The following SLC27A1 variants were observed in gnomAD, a reference collection of about 807,000 sequenced individuals.
The protein encoded by SLC27A1 is solute carrier family 27 member 1.
In SLC27A1, 61 loss-of-function variants were observed where a neutral mutation model predicts 62.2. The observed-to-expected ratio is 0.98, with a 90% CI of 0.80 to 1.21. The LOEUF (loss-of-function observed/expected upper bound fraction) is 1.21. Among genes scored for constraint, SLC27A1 ranks in the 50% most tolerant of loss-of-function variants. The pLI is 0.00. For missense variants in SLC27A1, 903 were observed against 932.1 expected (o/e 0.97, Z 0.41); for synonymous variants, 435 against 408.6 (o/e 1.06, Z -0.78).
rs2075231171 is a variant in SLC27A1, at chr19:17,486,548, C to T, written c.168-15C>T. On this transcript the variant is annotated splice_polypyrimidine_tract_variant and intron_variant, in intron 1 of 11. Coordinates refer to ENST00000252595, the MANE Select transcript of SLC27A1 (RefSeq NM_198580.3). The surrounding 1 kb of genome is among the most constrained non-coding windows in gnomAD (Gnocchi z 6.6). Reference sequence around the variant, plus strand: ...AGGGCACCAGTGACGCTGTCCCCTCCGTCCTCCCTCCCAGCGGTCTCTCTG... The same window carrying T: ...AGGGCACCAGTGACGCTGTCCCCTCTGTCCTCCCTCCCAGCGGTCTCTCTG... The T allele has an allele frequency of 1.3e-6, 2 of 1,561,504 alleles. No individual in the cohort carries two copies. The highest frequency in any genetic ancestry group is 1.7e-6 in the Non-Finnish European group (2 of 1,160,294).
At chr19:17,470,510 C>T (rs527880623), upstream of SLC27A1, 1 of 1,509,654 alleles carries the variant, frequency 6.6e-7, no homozygotes, top group Admixed American at 2.1e-5. Flanking sequence ...CTGGAGCGGC[C>T]CGCGGCCTCA....
chr19:17,480,361 A>G (rs1056476276), intron 1 of SLC27A1, among the ~76,000 whole-genome samples: 1 of 150,176 alleles, frequency 6.7e-6, no homozygotes, highest in Non-Finnish European at 1.5e-5. Flanking sequence ...ATATATTTCT[A>G]TTGTCATTTC....
intron 1 of SLC27A1, among the ~76,000 whole-genome samples, chr19:17,471,189 A>G (rs1232024209): frequency 1.3e-5 from 2 of 151,988 alleles, no homozygotes; most frequent in Non-Finnish European, 2.9e-5. Context: ...GGGGTTGCCA[A>G]GACACTTTGG....
At chr19:17,478,919 A>C (rs1453733320) in intron 1 of SLC27A1, among the ~76,000 whole-genome samples, 1 of 151,906 alleles carries the variant, frequency 6.6e-6, no homozygotes, top group Non-Finnish European at 1.5e-5. Flanking sequence ...AGATGGGAAC[A>C]TGCATGTTGG....
intron 1 of SLC27A1, among the ~76,000 whole-genome samples, chr19:17,485,209 T>TG (rs1555743987): frequency 1.4e-5 from 2 of 143,662 alleles, no homozygotes. Context: ...TTTTTTTTTT[T>TG]GATGGAGTCT....
At position 17,504,230 on chromosome 19, in the gene SLC27A1, A is replaced by G. The variant is rs554611933; in HGVS notation, c.1784-225A>G. On this transcript the variant is annotated intron_variant, in intron 11 of 11. Transcript: ENST00000252595. The stretch of plus-strand genomic sequence containing the variant: ...GGACACATGACCAGGCAGGGTGTAC[A>G]TTTTCTTGCCCTGGTGAGGAGTGGT... Among the ~76,000 whole-genome samples, 11 of 152,198 alleles carry G rather than the reference A, an allele frequency of 7.2e-5. No homozygotes were observed. The South Asian group carries it at 2.1e-3, about 29-fold the overall frequency.
At chr19:17,480,912 C>CAT (rs34124219) in intron 1 of SLC27A1, among the ~76,000 whole-genome samples, 123,391 of 150,330 alleles carry the variant, frequency 0.82, 51,658 homozygotes, top group Non-Finnish European at 0.91. Flanking sequence ...ATAACGAAAA[C>CAT]GTGGTATTTG....
intron 6 of SLC27A1, among the ~76,000 whole-genome samples, chr19:17,494,428 G>C (rs11086071): frequency 6.6e-6 from 1 of 151,580 alleles, no homozygotes; most frequent in Non-Finnish European, 1.5e-5. Context: ...CCTGGGTTCA[G>C]GTGATTCTCC....
intron 1 of SLC27A1, among the ~76,000 whole-genome samples, chr19:17,474,818 C>T (rs545788264): frequency 5.3e-5 from 8 of 151,540 alleles, no homozygotes; most frequent in East Asian, 1.9e-4. Context: ...TTAGTAGAGA[C>T]GGGGTTTCTC....
At chr19:17,473,187 C>A (rs1649260605) in intron 1 of SLC27A1, among the ~76,000 whole-genome samples, 1 of 152,156 alleles carries the variant, frequency 6.6e-6, no homozygotes, top group Non-Finnish European at 1.5e-5. Flanking sequence ...CCAATTTCAG[C>A]CTCCCAAAGT....
intron 2 of SLC27A1, 71 bp downstream of exon 2, chr19:17,487,028 C>T (rs1221078257): frequency 6.5e-7 from 1 of 1,537,594 alleles, no homozygotes; most frequent in Non-Finnish European, 8.7e-7. Context: ...GGAGATGCTG[C>T]GCCCCAGGCC....
Position 17,500,588 on chromosome 19 carries a change from T to C in SLC27A1, c.1427T>C (p.Ile476Thr). 2 of 1,613,712 alleles carry C rather than the reference T, an allele frequency of 1.2e-6. No homozygotes were observed. The highest frequency in any genetic ancestry group is 1.7e-6 in the Non-Finnish European group (2 of 1,179,950). Residue 476 changes from isoleucine to threonine, a missense_variant, in exon 9 of 12, where the codon ATC becomes ACC. Transcript: ENST00000252595. The part of the protein sequence containing the change: ...YVSESATSKK[I>T]AHSVFSKGDS... Reference sequence around the variant, plus strand: ...AGCGAGAGCGCCACCAGCAAGAAGATCGCCCACAGCGTCTTCAGCAAGGGC... The same window carrying C: ...AGCGAGAGCGCCACCAGCAAGAAGACCGCCCACAGCGTCTTCAGCAAGGGC...
At chr19:17,497,914 A>T (rs2075368166) in intron 7 of SLC27A1, 1 of 191,410 alleles carries the variant, frequency 5.2e-6, no homozygotes, top group African/African-American at 2.4e-5. Flanking sequence ...AGCTCAAGCA[A>T]TCCTCCTGCC....
intron 6 of SLC27A1, chr19:17,496,420 A>C (rs1599667680): frequency 6.6e-6 from 1 of 151,826 alleles, no homozygotes; most frequent in South Asian, 2.1e-4. Context: ...GCAGGGAGGG[A>C]AGATGTCCTG....
At chr19:17,497,578 G>A (rs1462281677) in intron 7 of SLC27A1, 114 bp downstream of exon 7, 6 of 973,876 alleles carry the variant, frequency 6.2e-6, no homozygotes, top group Non-Finnish European at 6.3e-6. Flanking sequence ...GGAAGGCTCC[G>A]CCAAGGCGCA....
At position 17,504,506 on chromosome 19, in the gene SLC27A1, G is replaced by T; in HGVS notation, c.1835G>T (p.Arg612Leu). ...CTGCAGCGAGAGGGCTTTGACCCACGCCAGACCTCAGACCGGCTCTTCTTC... is the reference window on the plus strand; with the variant it reads ...CTGCAGCGAGAGGGCTTTGACCCACTCCAGACCTCAGACCGGCTCTTCTTC... ...TRLQREGFDP[R>L]QTSDRLFFLD... The change falls in exon 12 of 12, where the codon CGC becomes CTC. Residue 612 changes from arginine (R) to leucine (L), a missense_variant. Transcript: ENST00000252595. 1.2e-6 allele frequency: 2 copies of T among 1,614,164 alleles called. No individual in the cohort carries two copies. The highest frequency in any genetic ancestry group is 8.5e-7 in the Non-Finnish European group (1 of 1,180,034).
intron 1 of SLC27A1, among the ~76,000 whole-genome samples, chr19:17,476,883 G>GTTTTTTTTTTT (rs71162144): frequency 7.6e-6 from 1 of 131,822 alleles, no homozygotes. Context: ...ATGATCATCT[G>GTTTTTTTTTTT]TTTTTTTTTT....
At chr19:17,477,569 T>G (rs566992179) in intron 1 of SLC27A1, among the ~76,000 whole-genome samples, 1 of 149,442 alleles carries the variant, frequency 6.7e-6, no homozygotes, top group South Asian at 2.1e-4. Flanking sequence ...TTTCTTTTTT[T>G]GAGACAGGGT....
In SLC27A1 at chr19:17,497,270, G is replaced by T; in HGVS notation, c.1012G>T (p.Gly338Trp). 6.2e-7 allele frequency: 1 copy of T among 1,603,552 alleles called. No individual in the cohort carries two copies. The highest frequency in any genetic ancestry group is 8.5e-7 in the Non-Finnish European group (1 of 1,176,856). Residue 338 changes from glycine (G) to tryptophan (W), a missense_variant, in exon 7 of 12, where the codon GGG becomes TGG. Physicochemically the swap from Gly to Trp is radical, Grantham distance 184. Transcript: ENST00000252595. ...CGTCCCCCAGGTGGTTCAGTACATC[G>T]GGGAGATCTGCCGCTACCTGCTGAA... is the stretch of plus-strand genomic sequence containing the variant. ...KYNCTVVQYI[G>W]EICRYLLKQP...
Sources: gnomAD v4.1 joint callset for allele counts (sites outside exome capture counted in the v4.1 genomes callset) on GRCh38, gnomAD v4.1.1 for gene constraint, Gnocchi (gnomAD v3.1) non-coding constraint, MANE v1.5 for transcripts, NCBI Gene and HGNC (gene_info 2026-07-23, HGNC 2026-07-21) for gene names.